ATP8A2: variants seen among roughly 807,000 people sequenced by gnomAD.
The protein encoded by ATP8A2 is phospholipid-transporting ATPase IB.
ATP8A2 carries 100 observed loss-of-function variants against 165.6 expected under a neutral mutation model. That is an observed-to-expected ratio of 0.60 (90% confidence interval 0.51 to 0.71). ATP8A2 has a LOEUF of 0.71. ATP8A2 is among the 30% of genes least tolerant of loss of function. The probability of loss-of-function intolerance (pLI) is 0.00; values close to 1 mark genes in which losing one functional copy is unlikely to be tolerated. For synonymous variants in ATP8A2, 543 were observed against 548.8 expected (o/e 0.99, Z 0.15); for missense variants, 1,227 against 1,479.5 (o/e 0.83, Z 2.80).
rs147522571 is a variant in ATP8A2, at chr13:25,690,763, C to G, written c.2212-8410C>G. Among the ~76,000 whole-genome samples, 247 of 152,240 alleles carry G rather than the reference C, an allele frequency of 1.6e-3. 1 individual carries two copies. Among genetic ancestry groups the G allele is most frequent in the African/African-American group, 5.7e-3 (236 of 41,546 alleles). On this transcript the variant is annotated intron_variant, in intron 24 of 36. Transcript: ENST00000381655. ...TGACTCAGGCACTTTGGAAAACAGTCTTACAGTTTCTGGAAGGTTAAACAT... is the reference window on the plus strand; with the variant it reads ...TGACTCAGGCACTTTGGAAAACAGTGTTACAGTTTCTGGAAGGTTAAACAT...
At chr13:25,860,433 G>C (rs954221424) in intron 31 of ATP8A2, among the ~76,000 whole-genome samples, 177 bp downstream of exon 31, 7 of 152,104 alleles carry the variant, frequency 4.6e-5, no homozygotes, top group Admixed American at 2.6e-4. Flanking sequence ...CATCGTTTCT[G>C]AAGGTTATGC....
intron 25 of ATP8A2, among the ~76,000 whole-genome samples, chr13:25,735,735 A>G (rs2043753784): frequency 6.6e-6 from 1 of 152,208 alleles, no homozygotes; most frequent in Non-Finnish European, 1.5e-5. Flanking sequence ...ATACGATTAT[A>G]ATGGAGCTAG....
intron 1 of ATP8A2, among the ~76,000 whole-genome samples, chr13:25,433,012 T>C (rs984432932): frequency 6.6e-6 from 1 of 152,224 alleles, no homozygotes; most frequent in Non-Finnish European, 1.5e-5. Flanking sequence ...TTCCACAGTT[T>C]GGAGAAATCT....
chr13:25,812,028 T>C (rs1196796987), intron 27 of ATP8A2, among the ~76,000 whole-genome samples: 1 of 152,148 alleles, frequency 6.6e-6, no homozygotes, highest in Non-Finnish European at 1.5e-5. Flanking sequence ...CCTCTCCTTC[T>C]CCCTTCCCAC....
chr13:25,443,200 A>G (rs952057282), intron 1 of ATP8A2, among the ~76,000 whole-genome samples: 5 of 152,228 alleles, frequency 3.3e-5, no homozygotes, highest in Non-Finnish European at 7.3e-5. Flanking sequence ...GCCATTATGT[A>G]TAGCAAATGA....
chr13:25,915,356 A>C (rs957836937), intron 33 of ATP8A2, among the ~76,000 whole-genome samples: 1 of 152,202 alleles, frequency 6.6e-6, no homozygotes, highest in African/African-American at 2.4e-5. Context: ...TGCAGATGTC[A>C]TAGAGGGGAC....
intron 1 of ATP8A2, among the ~76,000 whole-genome samples, chr13:25,420,904 A>C (rs916484422): frequency 6.6e-6 from 1 of 152,240 alleles, no homozygotes; most frequent in Non-Finnish European, 1.5e-5. Flanking sequence ...TGGTGTGGCT[A>C]TAAACAGCTC....
At chr13:25,606,192 T>A (rs2040512095) in intron 24 of ATP8A2, among the ~76,000 whole-genome samples, 1 of 152,222 alleles carries the variant, frequency 6.6e-6, no homozygotes, top group East Asian at 1.9e-4. Context: ...TCTTAATAGA[T>A]GGCTGCATAG....
At chr13:25,537,513 C>T (rs989441071) in intron 6 of ATP8A2, among the ~76,000 whole-genome samples, 2 of 152,058 alleles carry the variant, frequency 1.3e-5, no homozygotes, top group Non-Finnish European at 2.9e-5. Flanking sequence ...TGCCTTTATC[C>T]TCATTATATA....
Position 25,558,978 on chromosome 13 carries a change from A to C in ATP8A2, c.1269A>C (p.Lys423Asn), listed in dbSNP as rs757078819. ...TCTTTTATTCTTTGGTTTAGGTGAAATATCTCTTTTCTGACAAGACTGGAA... is the reference window on the plus strand; with the variant it reads ...TCTTTTATTCTTTGGTTTAGGTGAACTATCTCTTTTCTGACAAGACTGGAA... ...SNLNEELGQV[K>N]YLFSDKTGTL... Residue 423 changes from lysine (K) to asparagine (N), a missense_variant, in exon 14 of 37, where the codon AAA (lysine) becomes AAC (asparagine). By Grantham distance (94) the Lys-to-Asn change is moderately conservative (BLOSUM62 0). Around this residue, in one of 5 missense-constraint regions of ATP8A2, gnomAD observed 592 missense variants for 785.6 expected, o/e 0.75. Coordinates refer to ENST00000381655, the MANE Select transcript of ATP8A2 (RefSeq NM_016529.6). 3 of 1,602,888 alleles carry C rather than the reference A, an allele frequency of 1.9e-6. No individual in the cohort carries two copies. The highest frequency in any genetic ancestry group is 2.2e-5 in the South Asian group (2 of 88,902).
intron 6 of ATP8A2, among the ~76,000 whole-genome samples, chr13:25,534,536 T>C (rs896086587): frequency 1.3e-5 from 2 of 152,258 alleles, no homozygotes; most frequent in African/African-American, 2.4e-5. Flanking sequence ...TGATGGTCTC[T>C]AATTGATGGT....
intron 30 of ATP8A2, among the ~76,000 whole-genome samples, chr13:25,846,843 C>A (rs1308646777): frequency 6.6e-6 from 1 of 152,064 alleles, no homozygotes; most frequent in Non-Finnish European, 1.5e-5. Context: ...ATTAATAATC[C>A]CCTTCTCCAC....
rs192210383 is a variant in ATP8A2, at chr13:25,461,744, T to G, written c.77-7233T>G. On this transcript the variant is annotated intron_variant, in intron 1 of 36. Transcript: ENST00000381655. Reference sequence around the variant, plus strand: ...GTTGGGATATAATCAGGTTGTGAATTGCAAAAGAACTTAATTTATATAAGG... The same window carrying G: ...GTTGGGATATAATCAGGTTGTGAATGGCAAAAGAACTTAATTTATATAAGG... 2.7e-3 allele frequency among the ~76,000 whole-genome samples: 413 copies of G among 152,274 alleles called. 1 individual carries two copies. Among genetic ancestry groups the G allele is most frequent in the Non-Finnish European group, 3.4e-3 (233 of 68,016 alleles).
At chr13:25,978,345 C>T (rs1311994981) in intron 35 of ATP8A2, among the ~76,000 whole-genome samples, 3 of 152,144 alleles carry the variant, frequency 2.0e-5, no homozygotes, top group African/African-American at 4.8e-5. Flanking sequence ...TTGCTTTTCC[C>T]TTCGGCTTCC....
At chr13:25,410,914 T>C (rs2033946717) in intron 1 of ATP8A2, among the ~76,000 whole-genome samples, 1 of 152,212 alleles carries the variant, frequency 6.6e-6, no homozygotes, top group African/African-American at 2.4e-5. Context: ...TTAACCATTT[T>C]CCTTTGTTCT....
intron 33 of ATP8A2, among the ~76,000 whole-genome samples, chr13:25,905,488 A>G (rs528842447): frequency 6.6e-6 from 1 of 152,072 alleles, no homozygotes; most frequent in Non-Finnish European, 1.5e-5. Flanking sequence ...TTAAATAAAA[A>G]CAAGAGCAGT....
chr13:25,518,667 A>C (rs1321088435), intron 2 of ATP8A2, among the ~76,000 whole-genome samples: 1 of 152,184 alleles, frequency 6.6e-6, no homozygotes, highest in African/African-American at 2.4e-5. Flanking sequence ...CTGGAAAATC[A>C]GACTCTGGTA....
At chr13:25,478,445 A>C (rs1229635361) in intron 2 of ATP8A2, among the ~76,000 whole-genome samples, 1 of 152,184 alleles carries the variant, frequency 6.6e-6, no homozygotes, top group East Asian at 1.9e-4. Flanking sequence ...TAGACAGAAC[A>C]AAAGGAGAGG....
intron 25 of ATP8A2, among the ~76,000 whole-genome samples, chr13:25,735,563 G>T (rs554238826): frequency 2.8e-4 from 40 of 145,110 alleles, no homozygotes; most frequent in African/African-American, 9.3e-4. Context: ...ACTGGCAAGG[G>T]TTGGAAGTTC....
Sources: allele counts gnomAD v4.1 joint callset (sites outside exome capture counted in the v4.1 genomes callset), GRCh38; gene constraint gnomAD v4.1.1; regional missense constraint gnomAD v4.1.1; transcripts MANE v1.5; gene names NCBI Gene and HGNC (gene_info 2026-07-23, HGNC 2026-07-21).